The following NSUN4 variants were observed in gnomAD, a reference collection of about 807,000 sequenced individuals.
The protein encoded by NSUN4 is 5-cytosine rRNA methyltransferase NSUN4.
In NSUN4, 31 loss-of-function variants were observed where a neutral mutation model predicts 43.8. That is an observed-to-expected ratio of 0.71 (90% CI 0.53 to 0.96). NSUN4 has a LOEUF of 0.96. Among genes scored for constraint, NSUN4 ranks in the 40% least tolerant of loss-of-function variants. NSUN4 has a pLI of 0.00. For synonymous variants in NSUN4, 167 were observed against 184.1 expected (o/e 0.91, Z 0.75); for missense variants, 439 against 475.6 (o/e 0.92, Z 0.72).
At chr1:46,378,759 A>G in the NSUN4 span, among the ~76,000 whole-genome samples, 2 of 152,210 alleles carry the variant, frequency 1.3e-5, no homozygotes, top group African/African-American at 2.4e-5. Flanking sequence ...AGACTCACTC[A>G]TGTATCTGCA....
rs1663929859 is a variant in NSUN4 at position 46,362,191 on chromosome 1, A to G, written c.*345A>G. ...TGGCCAATAAAGTTGTTGAAACTCT[A>G]TAGACCTGGGGCTGCAGTTGGGGAC... On this transcript the variant is annotated 3_prime_UTR_variant, in exon 6 of 6. Coordinates refer to ENST00000474844, the MANE Select transcript of NSUN4 (RefSeq NM_199044.4). The G allele has an allele frequency of 1.0e-5, 3 of 295,518 alleles. No individual in the cohort carries two copies. The highest frequency in any genetic ancestry group is 1.9e-5 in the Non-Finnish European group (3 of 157,054). 18.3% of individuals were successfully genotyped at this position (295,518 alleles called of 1,614,324 possible). A position where few individuals can be genotyped will look rare whatever the true frequency, so the allele number is the denominator to read the frequency against.
intron 4 of NSUN4, among the ~76,000 whole-genome samples, chr1:46,355,440 C>T (rs1270559681): frequency 6.6e-6 from 1 of 152,130 alleles, no homozygotes; most frequent in Non-Finnish European, 1.5e-5. Flanking sequence ...CGGTGAGTTA[C>T]TTAACTTTCA....
In NSUN4 at chr1:46,363,775, C is replaced by G. The variant is rs886261346; in HGVS notation, c.*1929C>G. On this transcript the variant is annotated 3_prime_UTR_variant, in exon 6 of 6. Coordinates refer to ENST00000474844, the MANE Select transcript of NSUN4 (RefSeq NM_199044.4). ...ACATAATAGAACATTATACAATTGT[C>G]AAATGAACTATAATGATACCTAACC... is the stretch of plus-strand genomic sequence containing the variant. 1 of 152,336 alleles carries G rather than the reference C, an allele frequency of 6.6e-6. No individual in the cohort carries two copies. Among genetic ancestry groups the G allele is most frequent in the Non-Finnish European group, 1.5e-5 (1 of 67,998 alleles). 9.4% of individuals were successfully genotyped at this position (152,336 alleles called of 1,614,324 possible).
chr1:46,349,049 G>C (rs1662767350), intron 3 of NSUN4, among the ~76,000 whole-genome samples: 1 of 151,410 alleles, frequency 6.6e-6, no homozygotes, highest in South Asian at 2.1e-4. Flanking sequence ...TCCTGACCTC[G>C]CAATCCACCC....
chr1:46,342,444 C>T, intron 1 of NSUN4: 1 of 399,096 alleles, frequency 2.5e-6, no homozygotes, highest in Non-Finnish European at 4.4e-6. Context: ...CCCTGGGAGT[C>T]CTTGCTATGC....
intron 3 of NSUN4, among the ~76,000 whole-genome samples, chr1:46,351,681 T>TTTTTTTTG (rs1557740209): frequency 1.6e-5 from 2 of 127,488 alleles, no homozygotes; most frequent in Non-Finnish European, 1.8e-5. Flanking sequence ...TTTTTTTTTT[T>TTTTTTTTG]TGAGATGGAG....
At chr1:46,349,329 A>G (rs1010551059) in intron 3 of NSUN4, among the ~76,000 whole-genome samples, 1 of 151,140 alleles carries the variant, frequency 6.6e-6, no homozygotes, top group African/African-American at 2.4e-5. Flanking sequence ...TTTAGTAGAG[A>G]TAGGGTTTCA....
At chr1:46,341,590 C>T (rs1662107176) in intron 1 of NSUN4, 3 of 1,197,474 alleles carry the variant, frequency 2.5e-6, no homozygotes, top group Non-Finnish European at 3.1e-6. Context: ...TCTTCTATGA[C>T]CGGCACGCCC....
At chr1:46,351,320 C>T (rs994941416) in intron 3 of NSUN4, among the ~76,000 whole-genome samples, 1 of 152,078 alleles carries the variant, frequency 6.6e-6, no homozygotes, top group African/African-American at 2.4e-5. Context: ...GCCGAGATCG[C>T]GCCATTGCAC....
the NSUN4 span, among the ~76,000 whole-genome samples, chr1:46,380,429 C>A: frequency 1.3e-5 from 2 of 152,322 alleles, no homozygotes; most frequent in East Asian, 3.9e-4. Context: ...AAACCCACCC[C>A]CATTGGATCT....
At chr1:46,360,974 T>C in intron 5 of NSUN4, 146 bp downstream of exon 5, 2 of 913,296 alleles carry the variant, frequency 2.2e-6, no homozygotes. Context: ...GGATCATCTC[T>C]GGAACATAAA....
chr1:46,373,066 T>C, the NSUN4 span, among the ~76,000 whole-genome samples: 10 of 152,202 alleles, frequency 6.6e-5, no homozygotes, highest in Non-Finnish European at 1.5e-4. Flanking sequence ...TCCATTACCT[T>C]GTTCTTCAGG....
Position 46,348,209 on chromosome 1 carries a change from C to T in NSUN4, c.592+1134C>T, listed in dbSNP as rs369170421. ...GTGTCAAGTACTCACTTCAGCCATCCACTGGCTGATATCCTGCCTGCCCAG... is the reference window on the plus strand; with the variant it reads ...GTGTCAAGTACTCACTTCAGCCATCTACTGGCTGATATCCTGCCTGCCCAG... On this transcript the variant is annotated intron_variant, in intron 3 of 5. Transcript: ENST00000474844. 4.9e-4 allele frequency among the ~76,000 whole-genome samples: 75 copies of T among 152,258 alleles called. 1 individual carries two copies. The South Asian group carries it at 0.015, about 30-fold the overall frequency.
In NSUN4 at chr1:46,346,977, C is replaced by G; in HGVS notation, c.494C>G (p.Pro165Arg). Residue 165 changes from proline (P) to arginine (R), a missense_variant, in exon 3 of 6, where the codon CCT becomes CGT. Coordinates refer to ENST00000474844, the MANE Select transcript of NSUN4 (RefSeq NM_199044.4). ...YYLMDAASLL[P>R]VLALGLQPGD... The stretch of plus-strand genomic sequence containing the variant: ...CTGATGGATGCTGCCTCCTTGCTGC[C>G]TGTTCTGGCCCTCGGCCTGCAGCCT... 1 of 1,614,168 alleles carries G rather than the reference C, an allele frequency of 6.2e-7. No homozygotes were observed. The highest frequency in any genetic ancestry group is 8.5e-7 in the Non-Finnish European group (1 of 1,180,004).
intron 1 of NSUN4, chr1:46,341,194 C>G: frequency 6.6e-6 from 8 of 1,215,866 alleles, no homozygotes; most frequent in Non-Finnish European, 7.2e-6. Context: ...GTCACTGTCT[C>G]TTGTTCCCCA....
At chr1:46,343,659 C>T (rs866158031) in intron 1 of NSUN4, 1 of 399,990 alleles carries the variant, frequency 2.5e-6, no homozygotes, top group Non-Finnish European at 4.4e-6. Flanking sequence ...CAGTCCCTAT[C>T]CTAGCAGAAG....
At chr1:46,373,591 A>T in the NSUN4 span, among the ~76,000 whole-genome samples, 1 of 152,346 alleles carries the variant, frequency 6.6e-6, no homozygotes, top group East Asian at 1.9e-4. Flanking sequence ...TCTGGCTTTT[A>T]TAACACCCAC....
intron 4 of NSUN4, among the ~76,000 whole-genome samples, chr1:46,355,004 A>G (rs951586076): frequency 6.6e-6 from 1 of 152,206 alleles, no homozygotes; most frequent in Non-Finnish European, 1.5e-5. Flanking sequence ...GCAGTGGAAC[A>G]TGATGGAGAG....
At chr1:46,356,437 A>C (rs950619308) in intron 4 of NSUN4, among the ~76,000 whole-genome samples, 2 of 152,194 alleles carry the variant, frequency 1.3e-5, no homozygotes, top group African/African-American at 4.8e-5. Context: ...TCACGCCTGT[A>C]TTCCCAGCAC....
Sources: gnomAD v4.1 joint callset for allele counts (sites outside exome capture counted in the v4.1 genomes callset) on GRCh38, gnomAD v4.1.1 for gene constraint, MANE v1.5 for transcripts, NCBI Gene and HGNC (gene_info 2026-07-23, HGNC 2026-07-21) for gene names.